The following FRY variants were observed in gnomAD, a reference collection of about 807,000 sequenced individuals.
FRY encodes protein furry homolog.
In FRY, 128 loss-of-function variants were observed where a neutral mutation model predicts 348.4. That is an observed-to-expected ratio of 0.37 (90% CI 0.32 to 0.43). The LOEUF (loss-of-function observed/expected upper bound fraction) is 0.43. FRY is among the 20% of genes least tolerant of loss of function. The pLI is 1.00. For missense variants in FRY, 2,736 were observed against 3,695.2 expected (o/e 0.74, Z 6.73); for synonymous variants, 1,370 against 1,374.7 (o/e 1.00, Z 0.08).
At chr13:32,289,171 G>A (rs1889214498) in intron 58 of FRY, among the ~76,000 whole-genome samples, 1 of 152,096 alleles carries the variant, frequency 6.6e-6, no homozygotes, top group Non-Finnish European at 1.5e-5. Flanking sequence ...TCATCAGTAA[G>A]CCTGACTGTT....
intron 55 of FRY, among the ~76,000 whole-genome samples, chr13:32,271,300 C>T (rs868613091): frequency 6.6e-6 from 1 of 152,202 alleles, no homozygotes; most frequent in South Asian, 2.1e-4. Flanking sequence ...GTTCTCCAAG[C>T]CTCAGTGTCC....
chr13:32,258,086 C>T (rs763043255), intron 51 of FRY: 5 of 810,646 alleles, frequency 6.2e-6, no homozygotes, highest in Non-Finnish European at 1.1e-5. Flanking sequence ...TGCTTATTTG[C>T]GTGCATATTT....
chr13:32,196,203 A>G (rs1883668410), intron 29 of FRY, among the ~76,000 whole-genome samples: 1 of 152,084 alleles, frequency 6.6e-6, no homozygotes, highest in Non-Finnish European at 1.5e-5. Flanking sequence ...AGTTTCTCAA[A>G]CAAGTTATCT....
chr13:32,073,873 T>C (rs1874834925), intron 1 of FRY, among the ~76,000 whole-genome samples: 2 of 152,180 alleles, frequency 1.3e-5, no homozygotes, highest in African/African-American at 4.8e-5. Flanking sequence ...TTCAGTGTTA[T>C]AATAAAAATG....
At chr13:32,289,847 G>A (rs756668896) in intron 59 of FRY, 104 bp downstream of exon 59, 18 of 724,272 alleles carry the variant, frequency 2.5e-5, no homozygotes, top group South Asian at 1.3e-4. Flanking sequence ...TTTTATTCCC[G>A]CATAATTATT....
intron 31 of FRY, among the ~76,000 whole-genome samples, chr13:32,205,886 C>T (rs571313927): frequency 3.3e-5 from 5 of 151,882 alleles, no homozygotes; most frequent in South Asian, 2.1e-4. Context: ...AGGGCCTGAA[C>T]AAAGACAGCC....
At chr13:32,139,943 A>T (rs927310574) in intron 11 of FRY, among the ~76,000 whole-genome samples, 2 of 152,138 alleles carry the variant, frequency 1.3e-5, no homozygotes, top group African/African-American at 4.8e-5. Flanking sequence ...AAAAAATTAA[A>T]AATTTAAAAA....
At position 32,298,381 on chromosome 13, in the gene FRY, A is replaced by G. The variant is rs1474589054; in HGVS notation, c.*2921A>G. On this transcript the variant is annotated 3_prime_UTR_variant, in exon 61 of 61. Transcript: ENST00000542859. ...GTATCTCAATGAAACTAGTTTTTAAAGTTTTCAATGCATTTGTTTGAGATC... is the reference window on the plus strand; with the variant it reads ...GTATCTCAATGAAACTAGTTTTTAAGGTTTTCAATGCATTTGTTTGAGATC... 1.3e-5 allele frequency: 2 copies of G among 152,228 alleles called. No homozygotes were observed. Among genetic ancestry groups the G allele is most frequent in the African/African-American group, 4.8e-5 (2 of 41,468 alleles). 9.4% of individuals were successfully genotyped at this position (152,228 alleles called of 1,614,324 possible).
intron 3 of FRY, among the ~76,000 whole-genome samples, chr13:32,109,111 A>C (rs1339524911): frequency 2.6e-5 from 4 of 152,210 alleles, no homozygotes; most frequent in African/African-American, 9.7e-5. Context: ...AAATGGAGGC[A>C]GTGAGACTAT....
At chr13:32,293,388 G>C (rs1889475324) in intron 59 of FRY, among the ~76,000 whole-genome samples, 1 of 152,090 alleles carries the variant, frequency 6.6e-6, no homozygotes, top group Non-Finnish European at 1.5e-5. Flanking sequence ...GCATTTAACA[G>C]GCATGTGTGC....
chr13:32,080,601 A>T (rs1875413002), intron 2 of FRY, among the ~76,000 whole-genome samples: 1 of 152,044 alleles, frequency 6.6e-6, no homozygotes, highest in Non-Finnish European at 1.5e-5. Context: ...CCAACACAGG[A>T]CTCTCCTGTA....
rs1300356133 is a variant in FRY, at chr13:32,267,345, T to C, written c.8122T>C (p.Ser2708Pro). Reference protein sequence around the residue: ...SCAVYTFHVFSSLFKNIQKRF... With the variant: ...SCAVYTFHVFPSLFKNIQKRF... ...TGCTGTGTATACATTTCATGTGTTC[T>C]CCTCCTTGTTTAAGGTATGTGTGCT... Residue 2708 changes from serine (S) to proline (P), a missense_variant, in exon 55 of 61, where the codon TCC becomes CCC. Coordinates refer to ENST00000542859, the MANE Select transcript of FRY (RefSeq NM_023037.3). 6.2e-7 allele frequency: 1 copy of C among 1,613,980 alleles called. No individual in the cohort carries two copies. The highest frequency in any genetic ancestry group is 2.2e-5 in the East Asian group (1 of 44,882).
chr13:32,173,352 C>A lies in FRY; in HGVS notation c.2152-15C>A. 1 of 1,602,138 alleles carries A rather than the reference C, an allele frequency of 6.2e-7. No individual in the cohort carries two copies. The highest frequency in any genetic ancestry group is 1.1e-5 in the South Asian group (1 of 90,794). On this transcript the variant is annotated splice_polypyrimidine_tract_variant and intron_variant, in intron 18 of 60. Coordinates refer to ENST00000542859, the MANE Select transcript of FRY (RefSeq NM_023037.3). Reference sequence around the variant, plus strand: ...ATTTCGCTGAATACAGAATGTTGTTCTTATTGCATAACAGCTCATCGCAAA... The same window carrying A: ...ATTTCGCTGAATACAGAATGTTGTTATTATTGCATAACAGCTCATCGCAAA...
At chr13:32,131,110 C>A (rs1318873864) in intron 7 of FRY, among the ~76,000 whole-genome samples, 1 of 152,092 alleles carries the variant, frequency 6.6e-6, no homozygotes, top group African/African-American at 2.4e-5. Context: ...GCCACTGCGC[C>A]CGGCCTCCCA....
intron 14 of FRY, among the ~76,000 whole-genome samples, chr13:32,151,751 T>C (rs1593671849): frequency 1.3e-5 from 2 of 152,350 alleles, no homozygotes; most frequent in Middle Eastern, 3.4e-3. Context: ...CATCAATTTC[T>C]CTGTTTTTCC....
chr13:32,091,708 G>A (rs1468196165), intron 2 of FRY, among the ~76,000 whole-genome samples: 1 of 152,140 alleles, frequency 6.6e-6, no homozygotes, highest in Admixed American at 6.5e-5. Flanking sequence ...TCCTAATGGT[G>A]GTAGTTCCAT....
chr13:32,277,560 C>T (rs936989547), intron 57 of FRY, among the ~76,000 whole-genome samples: 1 of 152,192 alleles, frequency 6.6e-6, no homozygotes, highest in Non-Finnish European at 1.5e-5. Context: ...TTCAAAGGCC[C>T]ACGCTCTTAA....
At chr13:32,119,898 A>G (rs1029007730) in intron 4 of FRY, among the ~76,000 whole-genome samples, 3 of 152,226 alleles carry the variant, frequency 2.0e-5, no homozygotes, top group Non-Finnish European at 4.4e-5. Flanking sequence ...AAAGATAAAC[A>G]TGCAAGTTCC....
chr13:32,116,246 G>T (rs955652871), intron 3 of FRY, among the ~76,000 whole-genome samples: 1 of 152,046 alleles, frequency 6.6e-6, no homozygotes, highest in African/African-American at 2.4e-5. Flanking sequence ...TCTATCAGCG[G>T]TATATGAATA....
Sources: gnomAD v4.1 joint callset for allele counts (sites outside exome capture counted in the v4.1 genomes callset) on GRCh38, gnomAD v4.1.1 for gene constraint, MANE v1.5 for transcripts, NCBI Gene and HGNC (gene_info 2026-07-23, HGNC 2026-07-21) for gene names.